TRAM1L1: variants seen among roughly 807,000 people sequenced by gnomAD.
TRAM1L1 encodes translocation associated membrane protein 1 like 1, also known as translocating chain-associated membrane protein 1-like 1.
For synonymous variants in TRAM1L1, 189 were observed against 163.6 expected, an observed-to-expected ratio of 1.16 and a Z score of -1.18; for missense variants, 451 against 439.9, an observed-to-expected ratio of 1.03 and a Z score of -0.23.
In TRAM1L1 at chr4:117,084,125, T is replaced by C. The variant is rs1732403012; in HGVS notation, c.*159A>G. The C allele has an allele frequency of 3.1e-6, 2 of 643,430 alleles. No individual in the cohort carries two copies. The highest frequency in any genetic ancestry group is 5.7e-5 in the East Asian group (2 of 35,330). 39.9% of individuals were successfully genotyped at this position (643,430 alleles called of 1,614,324 possible). A position where few individuals can be genotyped will look rare whatever the true frequency, so the allele number is the denominator to read the frequency against. On this transcript the variant is annotated 3_prime_UTR_variant, in exon 1 of 1. Coordinates refer to ENST00000310754, the MANE Select transcript of TRAM1L1 (RefSeq NM_152402.3). ...AATCTTTTTTTCCCATTCATAATAATCCTCCTCCCCTCAAATGTCTTTAAA... is the reference window on the plus strand; with the variant it reads ...AATCTTTTTTTCCCATTCATAATAACCCTCCTCCCCTCAAATGTCTTTAAA...
In TRAM1L1 at chr4:117,085,071, C is replaced by A; in HGVS notation, c.323G>T (p.Arg108Ile). The A allele has an allele frequency of 6.2e-7, 1 of 1,614,074 alleles. No homozygotes were observed. The highest frequency in any genetic ancestry group is 1.1e-5 in the South Asian group (1 of 91,068). ...QEYVLDKINK[R>I]MQFTKAKQNK... is the part of the protein sequence containing the mutation. ...TTGTTTCGCTTTGGTGAACTGCATT[C>A]TCTTGTTAATTTTATCCAACACATA... The change falls in exon 1 of 1, where the codon AGA (arginine) becomes ATA (isoleucine). Residue 108 changes from arginine (R) to isoleucine (I), a missense_variant. Transcript: ENST00000310754.
Position 117,084,522 on chromosome 4 carries a change from A to G in TRAM1L1, c.872T>C (p.Val291Ala). Residue 291 changes from valine (V) to alanine (A), a missense_variant, in exon 1 of 1, where the codon GTA (valine) becomes GCA (alanine). By Grantham distance (64) the Val-to-Ala change is moderately conservative (BLOSUM62 0). Coordinates refer to ENST00000310754, the MANE Select transcript of TRAM1L1 (RefSeq NM_152402.3). ...NRNPDALTGN[V>A]NVLAAKIAVL... ...AGCAATTTTAGCTGCCAACACATTT[A>G]CATTTCCAGTAAGGGCATCAGGATT... is the stretch of plus-strand genomic sequence containing the variant. 1 of 1,614,198 alleles carries G rather than the reference A, an allele frequency of 6.2e-7. No homozygotes were observed. Among genetic ancestry groups the G allele is most frequent in the Non-Finnish European group, 8.5e-7 (1 of 1,180,040 alleles).
At position 117,085,394 on chromosome 4, in the gene TRAM1L1, G is replaced by A; in HGVS notation, c.-1C>T. On this transcript the variant is annotated 5_prime_UTR_variant, in exon 1 of 1. Coordinates refer to ENST00000310754, the MANE Select transcript of TRAM1L1 (RefSeq NM_152402.3). ...TGGTGCTCTTCTTACGGAGCCCCAT[G>A]GTGGCGCTTCCCGGATACTCACCGG... The A allele has an allele frequency of 6.2e-7, 1 of 1,603,624 alleles. No individual in the cohort carries two copies. Among genetic ancestry groups the A allele is most frequent in the Non-Finnish European group, 8.5e-7 (1 of 1,172,638 alleles).
At position 117,084,159 on chromosome 4, in the gene TRAM1L1, G is replaced by C. The variant is rs1006798448; in HGVS notation, c.*125C>G. On this transcript the variant is annotated 3_prime_UTR_variant, in exon 1 of 1. Transcript: ENST00000310754. ...CCTCAAATGTCTTTAAAAAATACAT[G>C]AAACAGTTCAATAACAAAAACCGAA... is the stretch of plus-strand genomic sequence containing the variant. 4.2e-6 allele frequency: 4 copies of C among 958,704 alleles called. No individual in the cohort carries two copies. The highest frequency in any genetic ancestry group is 6.1e-6 in the Non-Finnish European group (4 of 660,562). The allele number at this position is 958,704 out of a possible 1,614,324, so 59.4% of individuals were successfully genotyped here.
rs1217740620 is a variant in TRAM1L1 at position 117,085,485 on chromosome 4, G to A, written c.-92C>T. On this transcript the variant is annotated 5_prime_UTR_variant, in exon 1 of 1. Coordinates refer to ENST00000310754, the MANE Select transcript of TRAM1L1 (RefSeq NM_152402.3). Reference sequence around the variant, plus strand: ...CGCCGCCACGGTAGCAGCTCCGGGGGCTCCACTTCCCATCCCGAAGTCAGT... The same window carrying A: ...CGCCGCCACGGTAGCAGCTCCGGGGACTCCACTTCCCATCCCGAAGTCAGT... 13 of 1,498,550 alleles carry A rather than the reference G, an allele frequency of 8.7e-6. No homozygotes were observed. Among genetic ancestry groups the A allele is most frequent in the South Asian group, 7.9e-5 (6 of 75,888 alleles). The allele number at this position is 1,498,550 out of a possible 1,614,324, so 92.8% of individuals were successfully genotyped here.
In TRAM1L1 at chr4:117,084,940, T is replaced by A. The variant is rs755565688; in HGVS notation, c.454A>T (p.Ile152Leu). ...SENCLSDPTL[I>L]WKARPHSMMT... ...ATGCTATGGGGACGAGCCTTCCATA[T>A]AAGAGTTGGGTCTGACAGGCAGTTT... Residue 152 changes from isoleucine to leucine, a missense_variant, in exon 1 of 1, where the codon ATA becomes TTA. Ile to Leu is a conservative substitution (Grantham distance 5). Transcript: ENST00000310754. 6.2e-7 allele frequency: 1 copy of A among 1,614,146 alleles called. No individual in the cohort carries two copies. Among genetic ancestry groups the A allele is most frequent in the African/African-American group, 1.3e-5 (1 of 75,028 alleles).
At position 117,085,269 on chromosome 4, in the gene TRAM1L1, C is replaced by T; in HGVS notation, c.125G>A (p.Gly42Glu). 1 of 1,614,096 alleles carries T rather than the reference C, an allele frequency of 6.2e-7. No homozygotes were observed. The highest frequency in any genetic ancestry group is 1.7e-5 in the Admixed American group (1 of 60,006). The stretch of plus-strand genomic sequence containing the variant: ...AAACACGATGGATGCTTCTGCTGTT[C>T]CCTCGAACACAAGCCCCAGCAGGAA... The part of the protein sequence containing the change: ...MFFLLGLVFE[G>E]TAEASIVFLT... Residue 42 changes from glycine to glutamate, a missense_variant, in exon 1 of 1, where the codon GGA (glycine) becomes GAA (glutamate). By Grantham distance (98) the Gly-to-Glu change is moderately conservative (BLOSUM62 -2). Coordinates refer to ENST00000310754, the MANE Select transcript of TRAM1L1 (RefSeq NM_152402.3).
chr4:117,085,405 C>T lies in TRAM1L1; in HGVS notation c.-12G>A, dbSNP rs370990572. The T allele has an allele frequency of 3.3e-5, 53 of 1,595,522 alleles. No individual in the cohort carries two copies. The highest frequency in any genetic ancestry group is 4.3e-5 in the Non-Finnish European group (50 of 1,167,484). The stretch of plus-strand genomic sequence containing the variant: ...TTACGGAGCCCCATGGTGGCGCTTC[C>T]CGGATACTCACCGGCGAGCCGCAGC... On this transcript the variant is annotated 5_prime_UTR_variant, in exon 1 of 1. Coordinates refer to ENST00000310754, the MANE Select transcript of TRAM1L1 (RefSeq NM_152402.3).
rs771544837 is a variant in TRAM1L1 at position 117,084,350 on chromosome 4, G to A, written c.1044C>T (p.Asn348=). The change falls in exon 1 of 1, where the codon AAC becomes AAT. Residue 348 remains asparagine (N), a synonymous_variant. Coordinates refer to ENST00000310754, the MANE Select transcript of TRAM1L1 (RefSeq NM_152402.3). ...TATTTGAAGTTTCCACTCCCACTCC[G>A]TTTTCTGTTCTTTTTTTAGAAGATC... ...RSRSSKKRTE[N]GVGVETSNRV... is the part of the protein sequence containing the mutation. The A allele has an allele frequency of 2.5e-6, 4 of 1,614,002 alleles. No homozygotes were observed. The highest frequency in any genetic ancestry group is 2.5e-6 in the Non-Finnish European group (3 of 1,179,986).
rs1306130505 is a variant in TRAM1L1, at chr4:117,085,528, G to T, written c.-135C>A. The T allele has an allele frequency of 8.1e-7, 1 of 1,236,014 alleles. No individual in the cohort carries two copies. Among genetic ancestry groups the T allele is most frequent in the Non-Finnish European group, 1.1e-6 (1 of 901,460 alleles). 76.6% of individuals were successfully genotyped at this position (1,236,014 alleles called of 1,614,324 possible). ...AAGTCAGTCCCGGGTCGCAGCGGCC[G>T]CCCAGAAAAAAAATAAATCAAAGGC... On this transcript the variant is annotated 5_prime_UTR_variant, in exon 1 of 1. Transcript: ENST00000310754.
Position 117,084,876 on chromosome 4 carries a change from A to T in TRAM1L1, c.518T>A (p.Leu173Ter), listed in dbSNP as rs1454014613. The T allele has an allele frequency of 6.2e-7, 1 of 1,614,180 alleles. No individual in the cohort carries two copies. ...FQMKFFYISQLAYWFHAFPEL... is the reference protein window; with the variant it reads ...FQMKFFYISQ ...AGGAAAAGCATGAAACCAGTAAGCCAACTGGGATATGTAGAAAAACTTCAT... is the reference window on the plus strand; with the variant it reads ...AGGAAAAGCATGAAACCAGTAAGCCTACTGGGATATGTAGAAAAACTTCAT... The change falls in exon 1 of 1, where the codon TTG (leucine) becomes TAG (stop). Residue 173 changes from leucine to a stop codon, truncating the protein, a stop_gained. Transcript: ENST00000310754. LOFTEE classifies it low-confidence loss of function (END_TRUNC).
chr4:117,084,216 C>A lies in TRAM1L1; in HGVS notation c.*68G>T. On this transcript the variant is annotated 3_prime_UTR_variant, in exon 1 of 1. Coordinates refer to ENST00000310754, the MANE Select transcript of TRAM1L1 (RefSeq NM_152402.3). The stretch of plus-strand genomic sequence containing the variant: ...GAACTATTTTCAAAAACAGAAAAAT[C>A]TCTAGTGCAGAAAGAAACCTCAAAG... The A allele has an allele frequency of 1.4e-6, 2 of 1,460,446 alleles. No homozygotes were observed. Among genetic ancestry groups the A allele is most frequent in the Non-Finnish European group, 1.8e-6 (2 of 1,091,174 alleles). 90.5% of individuals were successfully genotyped at this position (1,460,446 alleles called of 1,614,324 possible).
chr4:117,084,779 G>A lies in TRAM1L1; in HGVS notation c.615C>T (p.Phe205=). 1 of 1,614,202 alleles carries A rather than the reference G, an allele frequency of 6.2e-7. No homozygotes were observed. ...RQLVYIGLHL[F]HITGAYLLYL... ...ACAAGAGATAAGCTCCAGTAATGTGGAAGAGGTGAAGACCAATGTAGACAA... is the reference window on the plus strand; with the variant it reads ...ACAAGAGATAAGCTCCAGTAATGTGAAAGAGGTGAAGACCAATGTAGACAA... Residue 205 remains phenylalanine (F), a synonymous_variant, in exon 1 of 1, where the codon TTC becomes TTT. Coordinates refer to ENST00000310754, the MANE Select transcript of TRAM1L1 (RefSeq NM_152402.3).
rs914174886 is a variant in TRAM1L1, at chr4:117,085,535, A to G, written c.-142T>C. 8.6e-6 allele frequency: 10 copies of G among 1,165,136 alleles called. No homozygotes were observed. The highest frequency in any genetic ancestry group is 8.5e-5 in the Admixed American group (3 of 35,142). 72.2% of individuals were successfully genotyped at this position (1,165,136 alleles called of 1,614,324 possible). A position where few individuals can be genotyped will look rare whatever the true frequency, so the allele number is the denominator to read the frequency against. ...TCCCGGGTCGCAGCGGCCGCCCAGA[A>G]AAAAAATAAATCAAAGGCGAGGGCC... On this transcript the variant is annotated 5_prime_UTR_variant, in exon 1 of 1. Coordinates refer to ENST00000310754, the MANE Select transcript of TRAM1L1 (RefSeq NM_152402.3).
Position 117,085,064 on chromosome 4 carries a change from C to T in TRAM1L1, c.330G>A (p.Gln110=). 6.2e-7 allele frequency: 1 copy of T among 1,614,100 alleles called. No individual in the cohort carries two copies. Among genetic ancestry groups the T allele is most frequent in the Non-Finnish European group, 8.5e-7 (1 of 1,180,028 alleles). The change falls in exon 1 of 1, where the codon CAG becomes CAA. Residue 110 remains glutamine (Q), a synonymous_variant. Transcript: ENST00000310754. ...YVLDKINKRM[Q]FTKAKQNKFN... ...ACTTGTTTTGTTTCGCTTTGGTGAA[C>T]TGCATTCTCTTGTTAATTTTATCCA... is the stretch of plus-strand genomic sequence containing the variant.
chr4:117,085,435 T>C lies in TRAM1L1; in HGVS notation c.-42A>G, dbSNP rs2110395359. 7.0e-6 allele frequency: 11 copies of C among 1,570,478 alleles called. No homozygotes were observed. The South Asian group carries it at 8.2e-5, about 12-fold the overall frequency. On this transcript the variant is annotated 5_prime_UTR_variant, in exon 1 of 1. Transcript: ENST00000310754. The stretch of plus-strand genomic sequence containing the variant: ...TACTCACCGGCGAGCCGCAGCTGCC[T>C]CCCCCTGGCTGCTCCTCACAGCGCC...
Position 117,085,527 on chromosome 4 carries a change from C to G in TRAM1L1, c.-134G>C, listed in dbSNP as rs1488291240. ...GAAGTCAGTCCCGGGTCGCAGCGGC[C>G]GCCCAGAAAAAAAATAAATCAAAGG... On this transcript the variant is annotated 5_prime_UTR_variant, in exon 1 of 1. Transcript: ENST00000310754. The G allele has an allele frequency of 8.1e-7, 1 of 1,241,592 alleles. No homozygotes were observed. The highest frequency in any genetic ancestry group is 1.1e-6 in the Non-Finnish European group (1 of 906,564). 76.9% of individuals were successfully genotyped at this position (1,241,592 alleles called of 1,614,324 possible).
rs1732424628 is a variant in TRAM1L1 at position 117,085,024 on chromosome 4, G to A, written c.370C>T (p.Gln124Ter). Residue 124 changes from glutamine (Q) to a stop codon, truncating the protein, a stop_gained, in exon 1 of 1, where the codon CAG (glutamine) becomes TAG (stop). Transcript: ENST00000310754. LOFTEE classifies it low-confidence loss of function (END_TRUNC). ...GAAAAAAAGTAGAACACACTAAACTGACCAGACTCGTTAAACTTGTTTTGT... is the reference window on the plus strand; with the variant it reads ...GAAAAAAAGTAGAACACACTAAACTAACCAGACTCGTTAAACTTGTTTTGT... Reference protein sequence around the residue: ...AKQNKFNESGQFSVFYFFSCI... With the variant: ...AKQNKFNESG The A allele has an allele frequency of 5.0e-6, 8 of 1,614,042 alleles. No individual in the cohort carries two copies. Among genetic ancestry groups the A allele is most frequent in the Non-Finnish European group, 6.8e-6 (8 of 1,180,024 alleles).
rs1030750978 is a variant in TRAM1L1, at chr4:117,083,997, A to G, written c.*287T>C. On this transcript the variant is annotated 3_prime_UTR_variant, in exon 1 of 1. Transcript: ENST00000310754. The stretch of plus-strand genomic sequence containing the variant: ...AATTGTGCAGTTATCTCTGCAAATC[A>G]TTAGGAAAATGTTGAAAGGTTAAAA... The G allele has an allele frequency of 6.3e-5, 19 of 300,064 alleles. No individual in the cohort carries two copies. The highest frequency in any genetic ancestry group is 2.6e-4 in the African/African-American group (12 of 45,852). 18.6% of individuals were successfully genotyped at this position (300,064 alleles called of 1,614,324 possible). A position where few individuals can be genotyped will look rare whatever the true frequency, so the allele number is the denominator to read the frequency against.
Sources: allele counts gnomAD v4.1 joint callset, GRCh38; gene constraint gnomAD v4.1.1; transcripts MANE v1.5; gene names NCBI Gene and HGNC (gene_info 2026-07-23, HGNC 2026-07-21).